DYM: variants seen among roughly 807,000 people sequenced by gnomAD.
The protein encoded by DYM is dyggve-Melchior-Clausen syndrome protein.
Under a neutral mutation model 93.1 loss-of-function variants are expected in DYM, and 78 were observed. The ratio of observed to expected loss-of-function variants is 0.84; its 90% CI spans 0.70 to 1.01. DYM has a LOEUF of 1.01. Among genes scored for constraint, DYM ranks in the 50% least tolerant of loss-of-function variants. The pLI is 0.00. For missense variants in DYM, 789 were observed against 845.0 expected, an observed-to-expected ratio of 0.93 and a Z score of 0.82; for synonymous variants, 321 against 319.7, an observed-to-expected ratio of 1.00 and a Z score of -0.04.
At chr18:49,363,757 C>G (rs1453940041) in intron 5 of DYM, among the ~76,000 whole-genome samples, 1 of 152,212 alleles carries the variant, frequency 6.6e-6, no homozygotes, top group Admixed American at 6.5e-5. Context: ...CCAACCTCCT[C>G]TTTACAGACA....
In DYM at chr18:49,123,757, GAACT is replaced by G. The variant is rs2082576177; in HGVS notation, c.1729-4835_1729-4832del. The stretch of plus-strand genomic sequence containing the variant: ...GGGAGGAGATGAGACTTCAAATTTG[GAACT>G]AACAAGATAATCTTGACCAGAAGTC... On this transcript the variant is annotated intron_variant, in intron 15 of 17. Coordinates refer to ENST00000675505, the MANE Select transcript of DYM (RefSeq NM_001353214.3). Among the ~76,000 whole-genome samples, 2 of 152,136 alleles carry G rather than the reference GAACT, an allele frequency of 1.3e-5. 1 individual carries two copies. Among genetic ancestry groups the G allele is most frequent in the South Asian group, 4.1e-4 (2 of 4,830 alleles).
At chr18:49,422,085 G>A (rs945838408) in intron 2 of DYM, among the ~76,000 whole-genome samples, 3 of 152,098 alleles carry the variant, frequency 2.0e-5, no homozygotes, top group Non-Finnish European at 4.4e-5. Context: ...CACTCTGCAG[G>A]ATATTATCCA....
At position 49,182,861 on chromosome 18, in the gene DYM, T is replaced by C. The variant is rs1232494321; in HGVS notation, c.1626-19074A>G. 2.0e-5 allele frequency among the ~76,000 whole-genome samples: 3 copies of C among 152,306 alleles called. No homozygotes were observed. In the East Asian group the frequency reaches 5.8e-4, roughly 29 times the overall value. On this transcript the variant is annotated intron_variant, in intron 14 of 17. Transcript: ENST00000675505. ...TGCCTGATGCCCAGTGTCTCCAAAGTCCCTGTTCTATATACTGTGTCTGTT... is the reference window on the plus strand; with the variant it reads ...TGCCTGATGCCCAGTGTCTCCAAAGCCCCTGTTCTATATACTGTGTCTGTT...
chr18:49,173,469 A>T (rs2089005369), intron 14 of DYM, among the ~76,000 whole-genome samples: 2 of 152,046 alleles, frequency 1.3e-5, no homozygotes, highest in African/African-American at 4.8e-5. Flanking sequence ...AATTTCTTTC[A>T]GCAATGTTTT....
chr18:49,102,947 G>C (rs1287231246), intron 16 of DYM, among the ~76,000 whole-genome samples: 1 of 152,062 alleles, frequency 6.6e-6, no homozygotes, highest in African/African-American at 2.4e-5. Context: ...GGGATTGCTG[G>C]GTCAAATGGT....
chr18:49,342,102 C>T (rs2064208051), intron 6 of DYM, among the ~76,000 whole-genome samples: 1 of 152,144 alleles, frequency 6.6e-6, no homozygotes, highest in Non-Finnish European at 1.5e-5. Context: ...ATTTCCTGTT[C>T]ATTTGGGTTT....
rs577434310 is a variant in DYM at position 49,087,420 on chromosome 18, T to A, written c.2025+9982A>T. 1.5e-3 allele frequency among the ~76,000 whole-genome samples: 231 copies of A among 152,216 alleles called. 1 individual carries two copies. Among genetic ancestry groups the A allele is most frequent in the Non-Finnish European group, 2.0e-3 (133 of 68,022 alleles). ...GCTTATCCATTGCAAAGAATAAAAC[T>A]GCTTAAAAATTGCTTACACATCTAC... On this transcript the variant is annotated intron_variant, in intron 17 of 17. Transcript: ENST00000675505.
intron 8 of DYM, among the ~76,000 whole-genome samples, chr18:49,288,892 G>T (rs2059839997): frequency 6.6e-6 from 1 of 152,086 alleles, no homozygotes; most frequent in South Asian, 2.1e-4. Context: ...GTGATATTTT[G>T]TAATACAGTG....
chr18:49,257,003 T>C lies in DYM; in HGVS notation c.1460+7A>G. The C allele has an allele frequency of 6.2e-7, 1 of 1,608,754 alleles. No individual in the cohort carries two copies. Among genetic ancestry groups the C allele is most frequent in the Non-Finnish European group, 8.5e-7 (1 of 1,175,168 alleles). On this transcript the variant is annotated splice_region_variant and intron_variant, in intron 13 of 17. Transcript: ENST00000675505. ...AAATCAGTATTTCTTTTAAAGTTCATATTTACCTGATGATCCTCTGGGCAG... is the reference window on the plus strand; with the variant it reads ...AAATCAGTATTTCTTTTAAAGTTCACATTTACCTGATGATCCTCTGGGCAG...
intron 1 of DYM, among the ~76,000 whole-genome samples, chr18:49,451,622 A>C (rs908590933): frequency 6.6e-6 from 1 of 152,238 alleles, no homozygotes; most frequent in Non-Finnish European, 1.5e-5. Context: ...TGTGGAACAG[A>C]GTTCCATCGA....
At chr18:49,199,270 C>T (rs1318344656) in intron 14 of DYM, among the ~76,000 whole-genome samples, 3 of 152,138 alleles carry the variant, frequency 2.0e-5, no homozygotes, top group South Asian at 4.2e-4. Flanking sequence ...GGAGATATAC[C>T]TAATGTAAAT....
intron 13 of DYM, among the ~76,000 whole-genome samples, chr18:49,226,515 G>T (rs534803159): frequency 5.9e-5 from 9 of 152,152 alleles, no homozygotes; most frequent in African/African-American, 2.2e-4. Context: ...TTAATAGCAT[G>T]TTGCTGTCTA....
intron 14 of DYM, among the ~76,000 whole-genome samples, chr18:49,184,938 AC>A (rs920874948): frequency 3.6e-4 from 55 of 152,330 alleles, no homozygotes; most frequent in African/African-American, 1.3e-3. Context: ...AAATAAAGCT[AC>A]AGAAGGAATG....
At chr18:49,106,459 T>C (rs1052958354) in intron 16 of DYM, among the ~76,000 whole-genome samples, 9 of 152,204 alleles carry the variant, frequency 5.9e-5, no homozygotes, top group Non-Finnish European at 1.2e-4. Flanking sequence ...TGATGTTAGT[T>C]GGTTATTTTG....
intron 6 of DYM, among the ~76,000 whole-genome samples, chr18:49,360,259 CAAA>C (rs5824786): frequency 5.2e-5 from 6 of 115,334 alleles, no homozygotes; most frequent in African/African-American, 3.2e-5. Flanking sequence ...TCAATAAAGG[CAAA>C]AAAAAAAAAA....
chr18:49,438,021 T>C (rs1600246665), intron 1 of DYM, among the ~76,000 whole-genome samples: 2 of 151,998 alleles, frequency 1.3e-5, no homozygotes, highest in South Asian at 4.2e-4. Flanking sequence ...ACCCCATCTA[T>C]ACAAAAAATT....
At chr18:49,338,251 T>G (rs890057776) in intron 6 of DYM, among the ~76,000 whole-genome samples, 2 of 152,196 alleles carry the variant, frequency 1.3e-5, no homozygotes, top group Non-Finnish European at 2.9e-5. Context: ...ATAAAATGTT[T>G]TGGTCCTTCA....
At chr18:49,128,911 C>G (rs1331572925) in intron 15 of DYM, among the ~76,000 whole-genome samples, 1 of 152,088 alleles carries the variant, frequency 6.6e-6, no homozygotes, top group South Asian at 2.1e-4. Flanking sequence ...CCTATTGATT[C>G]TTCTGTTTTC....
intron 11 of DYM, among the ~76,000 whole-genome samples, chr18:49,261,443 G>A (rs576536486): frequency 6.6e-6 from 1 of 152,362 alleles, no homozygotes; most frequent in South Asian, 2.1e-4. Context: ...GGCCAAGGTG[G>A]ATGGATCACC....
Sources: gnomAD v4.1 joint callset for allele counts (sites outside exome capture counted in the v4.1 genomes callset) on GRCh38, gnomAD v4.1.1 for gene constraint, MANE v1.5 for transcripts, NCBI Gene and HGNC (gene_info 2026-07-23, HGNC 2026-07-21) for gene names.